The following FAM209A variants were observed in gnomAD, a reference collection of about 807,000 sequenced individuals.
FAM209A encodes protein FAM209A.
Under a neutral mutation model 9.8 loss-of-function variants are expected in FAM209A, and 4 were observed. The ratio of observed to expected loss-of-function variants is 0.41; its 90% CI spans 0.20 to 0.94. The LOEUF is 0.94. FAM209A is among the 40% of genes least tolerant of loss of function. The probability of loss-of-function intolerance (pLI) is 0.32; values close to 1 mark genes in which losing one functional copy is unlikely to be tolerated. For synonymous variants in FAM209A, 55 were observed against 77.8 expected (o/e 0.71, Z 1.54); for missense variants, 205 against 209.4 (o/e 0.98, Z 0.13).
rs1054339 is a variant in FAM209A, at chr20:56,525,831, G to A, written c.277G>A (p.Gly93Ser). The change falls in exon 2 of 2, where the codon GGC (glycine) becomes AGC (serine). Residue 93 changes from glycine (G) to serine (S), a missense_variant. Gly to Ser is a moderately conservative substitution (Grantham distance 56, BLOSUM62 0). Transcript: ENST00000371328. ...KEQSPPGLRGGQLHSPLKKKR... is the reference protein window; with the variant it reads ...KEQSPPGLRGSQLHSPLKKKR... The stretch of plus-strand genomic sequence containing the variant: ...GCAGAGTCCTCCTGGCCTTCGAGGC[G>A]GCCAACTTCACTCTCCATTAAAGAA... 67 of 1,613,830 alleles carry A rather than the reference G, an allele frequency of 4.2e-5. No homozygotes were observed. The highest frequency in any genetic ancestry group is 6.6e-5 in the South Asian group (6 of 91,052).
At chr20:56,529,820 A>G (rs937525511), downstream of FAM209A, among the ~76,000 whole-genome samples, 1 of 151,988 alleles carries the variant, frequency 6.6e-6, no homozygotes, top group Non-Finnish European at 1.5e-5. Flanking sequence ...CAGAGACTCC[A>G]TCTCAAAAAA....
At chr20:56,528,092 G>A (rs1471624838), downstream of FAM209A, among the ~76,000 whole-genome samples, 2 of 151,956 alleles carry the variant, frequency 1.3e-5, no homozygotes, top group African/African-American at 4.8e-5. Flanking sequence ...GGGCAACAGA[G>A]CTAGACTCTG....
chr20:56,529,876 G>T (rs987254212), downstream of FAM209A, among the ~76,000 whole-genome samples: 2 of 151,290 alleles, frequency 1.3e-5, no homozygotes, highest in Non-Finnish European at 3.0e-5. Flanking sequence ...CGAAAATTAG[G>T]CAGGCGTGAT....
At chr20:56,528,513 A>T (rs1343760453), downstream of FAM209A, among the ~76,000 whole-genome samples, 1 of 149,970 alleles carries the variant, frequency 6.7e-6, no homozygotes, top group Non-Finnish European at 1.5e-5. Flanking sequence ...AGGTGGGAGG[A>T]TCCCCTGAGC....
chr20:56,528,203 G>C (rs542288505), downstream of FAM209A, among the ~76,000 whole-genome samples: 1 of 151,910 alleles, frequency 6.6e-6, no homozygotes, highest in Admixed American at 6.6e-5. Flanking sequence ...GCATCTTTTG[G>C]GTCTGGGAGG....
chr20:56,531,067 G>A (rs1985728177), downstream of FAM209A, among the ~76,000 whole-genome samples: 1 of 152,106 alleles, frequency 6.6e-6, no homozygotes, highest in Non-Finnish European at 1.5e-5. Context: ...GTATACTGTG[G>A]AGTCCTAGGT....
downstream of FAM209A, among the ~76,000 whole-genome samples, chr20:56,529,264 C>T (rs1037563552): frequency 3.3e-5 from 5 of 151,938 alleles, no homozygotes; most frequent in Admixed American, 3.3e-4. Flanking sequence ...CACCTGTAAT[C>T]CCAGCACTTT....
At chr20:56,526,670 G>A (rs193299311), downstream of FAM209A, among the ~76,000 whole-genome samples, 728 of 151,862 alleles carry the variant, frequency 4.8e-3, 3 homozygotes, top group Non-Finnish European at 6.3e-3. Context: ...AGGGGGATGA[G>A]GCAGGAGAAT....
At position 56,525,945 on chromosome 20, in the gene FAM209A, C is replaced by T. The variant is rs779825440; in HGVS notation, c.391C>T (p.Arg131Trp). Reference sequence around the variant, plus strand: ...GCTTATGAAATTTGTGTCCAAAGTGCGGAATCTTAAACGTGCCATGGCAAC... The same window carrying T: ...GCTTATGAAATTTGTGTCCAAAGTGTGGAATCTTAAACGTGCCATGGCAAC... Reference protein sequence around the residue: ...VELMKFVSKVRNLKRAMATGS... With the variant: ...VELMKFVSKVWNLKRAMATGS... Residue 131 changes from arginine to tryptophan, a missense_variant, in exon 2 of 2, where the codon CGG becomes TGG. Physicochemically the swap from Arg to Trp is moderately radical, Grantham distance 101. Coordinates refer to ENST00000371328, the MANE Select transcript of FAM209A (RefSeq NM_001012971.4). 36 of 1,614,018 alleles carry T rather than the reference C, an allele frequency of 2.2e-5. No individual in the cohort carries two copies. The highest frequency in any genetic ancestry group is 1.8e-4 in the South Asian group (16 of 91,080).
At chr20:56,528,531 G>T (rs1204091735), downstream of FAM209A, among the ~76,000 whole-genome samples, 1 of 151,938 alleles carries the variant, frequency 6.6e-6, no homozygotes, top group Non-Finnish European at 1.5e-5. Flanking sequence ...AGCCCAGGAG[G>T]TGGAGGTTGC....
In FAM209A at chr20:56,524,744, A is replaced by G. The variant is rs543275907; in HGVS notation, c.-65A>G. On this transcript the variant is annotated 5_prime_UTR_variant, in exon 1 of 2. Transcript: ENST00000371328. ...ACCAAGGGCCTGGCACCAGGTGCCC[A>G]GTCTCCCAGTTGCGAGGGCAAGCAA... 15 of 1,596,454 alleles carry G rather than the reference A, an allele frequency of 9.4e-6. No individual in the cohort carries two copies. In the Admixed American group the frequency reaches 1.2e-4, roughly 13 times the overall value.
At chr20:56,527,519 C>T (rs895861987), downstream of FAM209A, among the ~76,000 whole-genome samples, 1 of 152,236 alleles carries the variant, frequency 6.6e-6, no homozygotes, top group Non-Finnish European at 1.5e-5. Context: ...GCCACATGAA[C>T]TGCAGGCCCA....
the FAM209A span, among the ~76,000 whole-genome samples, chr20:56,532,285 C>T: frequency 6.6e-6 from 1 of 151,618 alleles, no homozygotes; most frequent in Non-Finnish European, 1.5e-5. Flanking sequence ...CCAAAGTATA[C>T]TCTTAACCCA....
At chr20:56,528,867 A>G (rs1163657207), downstream of FAM209A, among the ~76,000 whole-genome samples, 1 of 152,138 alleles carries the variant, frequency 6.6e-6, no homozygotes, top group African/African-American at 2.4e-5. Flanking sequence ...GCCCAATCAC[A>G]TTTCTTCATG....
chr20:56,531,877 C>T, the FAM209A span, among the ~76,000 whole-genome samples: 4 of 152,138 alleles, frequency 2.6e-5, no homozygotes, highest in East Asian at 7.7e-4. Flanking sequence ...GATCTGCCCA[C>T]CCTGGCCTCC....
the FAM209A span, among the ~76,000 whole-genome samples, chr20:56,532,480 CTTTTTTTTTTTT>C: frequency 2.8e-5 from 3 of 108,260 alleles, no homozygotes; most frequent in African/African-American, 3.8e-5. Context: ...TTTTCTTTTT[CTTTTTTTTTTTT>C]TTTTTTTTTT....
chr20:56,532,066 C>G, the FAM209A span, among the ~76,000 whole-genome samples: 1 of 149,388 alleles, frequency 6.7e-6, no homozygotes, highest in African/African-American at 2.5e-5. Context: ...CCTCTACTTC[C>G]TGGGTTCAAG....
At chr20:56,528,904 G>A (rs1985648018), downstream of FAM209A, among the ~76,000 whole-genome samples, 1 of 152,060 alleles carries the variant, frequency 6.6e-6, no homozygotes, top group Non-Finnish European at 1.5e-5. Context: ...GTTTAATGAA[G>A]CTGCCATTAA....
chr20:56,530,091 CCCATCCAT>C (rs1318369069), downstream of FAM209A, among the ~76,000 whole-genome samples: 69 of 150,782 alleles, frequency 4.6e-4, no homozygotes, highest in African/African-American at 1.7e-3. Context: ...CAACCATCCA[CCCATCCAT>C]CCATCCATTC....
Sources: allele counts gnomAD v4.1 joint callset (sites outside exome capture counted in the v4.1 genomes callset), GRCh38; gene constraint gnomAD v4.1.1; transcripts MANE v1.5; gene names NCBI Gene and HGNC (gene_info 2026-07-23, HGNC 2026-07-21).